ADGRB3: variants seen among roughly 807,000 people sequenced by gnomAD.
ADGRB3 encodes the protein adhesion G protein-coupled receptor B3.
ADGRB3 carries 37 observed loss-of-function variants against 193.4 expected under a neutral mutation model. That is an observed-to-expected ratio of 0.19 (90% CI 0.15 to 0.25). The LOEUF is 0.25. ADGRB3 is among the 10% of genes least tolerant of loss of function. The pLI, the probability that ADGRB3 is intolerant of heterozygous loss-of-function variation, is 1.00. For synonymous variants in ADGRB3, 690 were observed against 644.2 expected, an observed-to-expected ratio of 1.07 and a Z score of -1.08; for missense variants, 1,637 against 1,852.9, an observed-to-expected ratio of 0.88 and a Z score of 2.14.
At chr6:69,102,069 C>T (rs1332402562) in intron 17 of ADGRB3, among the ~76,000 whole-genome samples, 5 of 149,492 alleles carry the variant, frequency 3.3e-5, no homozygotes, top group Non-Finnish European at 7.4e-5. Context: ...CCCAGCAACT[C>T]GGAGAGGCTG....
intron 4 of ADGRB3, among the ~76,000 whole-genome samples, chr6:68,932,286 G>GT (rs1349851971): frequency 6.6e-6 from 1 of 152,134 alleles, no homozygotes; most frequent in Non-Finnish European, 1.5e-5. Context: ...TTCCAATAGC[G>GT]TAACATGATT....
chr6:69,085,038 C>T (rs955824775), intron 17 of ADGRB3, among the ~76,000 whole-genome samples: 2 of 151,864 alleles, frequency 1.3e-5, no homozygotes, highest in African/African-American at 4.8e-5. Flanking sequence ...TTAAAGGTAT[C>T]ATATACTTTG....
chr6:69,271,268 G>A (rs1767169510), intron 20 of ADGRB3, among the ~76,000 whole-genome samples: 1 of 152,086 alleles, frequency 6.6e-6, no homozygotes, highest in Non-Finnish European at 1.5e-5. Flanking sequence ...AGGACAGATG[G>A]ATATATATAA....
intron 20 of ADGRB3, among the ~76,000 whole-genome samples, chr6:69,244,875 A>G (rs1240042220): frequency 6.6e-6 from 1 of 152,046 alleles, no homozygotes; most frequent in Non-Finnish European, 1.5e-5. Flanking sequence ...TGTAAGTACC[A>G]CTTAAACAGT....
chr6:68,755,004 T>A (rs1766272789), intron 3 of ADGRB3, among the ~76,000 whole-genome samples: 1 of 152,174 alleles, frequency 6.6e-6, no homozygotes, highest in Non-Finnish European at 1.5e-5. Context: ...TGGGTGCATG[T>A]CTGCATAAAT....
chr6:69,000,872 A>AT (rs1769555442), intron 11 of ADGRB3, among the ~76,000 whole-genome samples: 1 of 152,148 alleles, frequency 6.6e-6, no homozygotes, highest in African/African-American at 2.4e-5. Context: ...ACTGTTATCC[A>AT]TTTTTCAGGG....
At chr6:68,680,112 A>G (rs989415401) in intron 3 of ADGRB3, among the ~76,000 whole-genome samples, 1 of 152,120 alleles carries the variant, frequency 6.6e-6, no homozygotes, top group East Asian at 1.9e-4. Context: ...CAAAGAAAGG[A>G]TCTACCTCGA....
chr6:68,726,056 A>G lies in ADGRB3; in HGVS notation c.757+86624A>G, dbSNP rs1025535081. 4.6e-5 allele frequency among the ~76,000 whole-genome samples: 7 copies of G among 151,572 alleles called. No individual in the cohort carries two copies. The East Asian group carries it at 9.8e-4, about 21-fold the overall frequency. Reference sequence around the variant, plus strand: ...TATTATTGGCTATAAAATTCCCCATATAATTTCTAGATAGACACCAGTTCA... The same window carrying G: ...TATTATTGGCTATAAAATTCCCCATGTAATTTCTAGATAGACACCAGTTCA... On this transcript the variant is annotated intron_variant, in intron 3 of 31. Coordinates refer to ENST00000370598, the MANE Select transcript of ADGRB3 (RefSeq NM_001704.3).
chr6:69,115,397 A>G (rs1773501050), intron 17 of ADGRB3, among the ~76,000 whole-genome samples: 1 of 152,172 alleles, frequency 6.6e-6, no homozygotes, highest in Non-Finnish European at 1.5e-5. Flanking sequence ...CTGAACAATG[A>G]GAACACATGG....
intron 3 of ADGRB3, among the ~76,000 whole-genome samples, chr6:68,665,635 C>T (rs973856284): frequency 6.6e-6 from 1 of 151,784 alleles, no homozygotes; most frequent in African/African-American, 2.4e-5. Context: ...GTTAAACTAT[C>T]ATGAACATCA....
Position 68,912,334 on chromosome 6 carries a change from A to G in ADGRB3, c.758-18225A>G, listed in dbSNP as rs146704174. ...AATGCTTCATTAATAATGTATATTC[A>G]TCTTCTTTTTTTATTATTTTATTTT... On this transcript the variant is annotated intron_variant, in intron 3 of 31. Coordinates refer to ENST00000370598, the MANE Select transcript of ADGRB3 (RefSeq NM_001704.3). Among the ~76,000 whole-genome samples the G allele has an allele frequency of 1.7e-3, 252 of 151,496 alleles. 4 individuals are homozygous for G. In the East Asian group the frequency reaches 0.041, roughly 24 times the overall value.
intron 3 of ADGRB3, among the ~76,000 whole-genome samples, chr6:68,927,817 C>T (rs1342440330): frequency 1.3e-5 from 2 of 151,794 alleles, no homozygotes; most frequent in Admixed American, 1.3e-4. Flanking sequence ...TACATCAGGA[C>T]CTCATATTAA....
chr6:69,306,467 G>A (rs1021030745), intron 20 of ADGRB3, among the ~76,000 whole-genome samples: 20 of 151,430 alleles, frequency 1.3e-4, no homozygotes, highest in Admixed American at 1.2e-3. Context: ...CTATGTACTA[G>A]GCACAATAAC....
intron 17 of ADGRB3, among the ~76,000 whole-genome samples, chr6:69,088,662 C>T (rs995110480): frequency 2.6e-5 from 4 of 152,256 alleles, no homozygotes; most frequent in Admixed American, 2.0e-4. Flanking sequence ...GCATGAGCCA[C>T]TGTGCCCGGC....
intron 3 of ADGRB3, among the ~76,000 whole-genome samples, chr6:68,651,076 A>G (rs1303221406): frequency 6.6e-6 from 1 of 152,204 alleles, no homozygotes; most frequent in East Asian, 1.9e-4. Context: ...AAACTTTCAA[A>G]GATCTGCCTC....
At chr6:68,678,789 A>G (rs931162843) in intron 3 of ADGRB3, among the ~76,000 whole-genome samples, 9 of 152,180 alleles carry the variant, frequency 5.9e-5, no homozygotes, top group African/African-American at 1.9e-4. Context: ...TATAAAAATA[A>G]TAACACTGTA....
At chr6:69,254,061 A>G (rs1766691281) in intron 20 of ADGRB3, among the ~76,000 whole-genome samples, 2 of 152,216 alleles carry the variant, frequency 1.3e-5, no homozygotes, top group Non-Finnish European at 2.9e-5. Flanking sequence ...TTAAAAAAGT[A>G]ATTTAAAAAG....
At chr6:68,820,971 C>T (rs1767738393) in intron 3 of ADGRB3, among the ~76,000 whole-genome samples, 1 of 152,002 alleles carries the variant, frequency 6.6e-6, no homozygotes. Flanking sequence ...CAAAGCCGTC[C>T]TTGACAGGTC....
At chr6:69,159,872 A>G (rs1774938450) in intron 17 of ADGRB3, among the ~76,000 whole-genome samples, 1 of 152,118 alleles carries the variant, frequency 6.6e-6, no homozygotes, top group Non-Finnish European at 1.5e-5. Context: ...CAGAACCTAT[A>G]ATGCACACAT....
Sources: allele counts gnomAD v4.1 joint callset (sites outside exome capture counted in the v4.1 genomes callset), GRCh38; gene constraint gnomAD v4.1.1; transcripts MANE v1.5; gene names NCBI Gene and HGNC (gene_info 2026-07-23, HGNC 2026-07-21).